MDFI: variants seen among roughly 807,000 people sequenced by gnomAD.
The protein encoded by MDFI is inhibitor of MyoD family a.
Under a neutral mutation model 22.3 loss-of-function variants are expected in MDFI, and 16 were observed. The ratio of observed to expected loss-of-function variants is 0.72; its 90% CI spans 0.49 to 1.09. The LOEUF is 1.09. Ranked by LOEUF, MDFI falls within the 50% of genes least tolerant of loss-of-function variation. The probability of loss-of-function intolerance (pLI) is 0.00; values close to 1 mark genes in which losing one functional copy is unlikely to be tolerated. For synonymous variants in MDFI, 145 were observed against 142.7 expected (o/e 1.02, Z -0.12); for missense variants, 314 against 326.1 (o/e 0.96, Z 0.29).
At chr6:41,643,437 C>T (rs1005497533) in intron 2 of MDFI, among the ~76,000 whole-genome samples, 21 of 152,142 alleles carry the variant, frequency 1.4e-4, no homozygotes, top group Admixed American at 1.4e-3. Flanking sequence ...AGGCAGTGAG[C>T]TGGTCTTTCT....
At chr6:41,641,096 G>C (rs1393002717) in intron 2 of MDFI, among the ~76,000 whole-genome samples, 1 of 152,138 alleles carries the variant, frequency 6.6e-6, no homozygotes, top group Admixed American at 6.5e-5. Context: ...CTTTCTTGGG[G>C]TTCAGGTCCA....
At chr6:41,641,279 AAGCCGGGATTTCACT>A (rs1767844805) in intron 2 of MDFI, among the ~76,000 whole-genome samples, 1 of 152,166 alleles carries the variant, frequency 6.6e-6, no homozygotes, top group Admixed American at 6.5e-5. Context: ...TCTGGTTGAG[AAGCCGGGATTTCACT>A]AGCAAATTGT....
chr6:41,639,529 T>C, intron 2 of MDFI: 1 of 985,338 alleles, frequency 1.0e-6, no homozygotes, highest in Non-Finnish European at 1.2e-6. Flanking sequence ...GGGTTTGGAG[T>C]AGGGGCCTCG....
chr6:41,652,502 G>T (rs546114864), intron 4 of MDFI, among the ~76,000 whole-genome samples: 33 of 152,304 alleles, frequency 2.2e-4, no homozygotes, highest in African/African-American at 7.9e-4. Context: ...GAGATGCCAG[G>T]TGGCAGTGGT....
At chr6:41,648,843 G>A (rs1285183294) in intron 3 of MDFI, among the ~76,000 whole-genome samples, 1 of 152,182 alleles carries the variant, frequency 6.6e-6, no homozygotes, top group Non-Finnish European at 1.5e-5. Context: ...GGGTTTGGGG[G>A]GTCTCCAGGG....
chr6:41,638,681 C>T lies in MDFI; in HGVS notation c.-12+29C>T, dbSNP rs915762682. On this transcript the variant is annotated intron_variant, in intron 1 of 4. Coordinates refer to ENST00000230321, the MANE Select transcript of MDFI (RefSeq NM_005586.4). The surrounding 1 kb of genome is among the most constrained non-coding windows in gnomAD (Gnocchi z 7.6). ...AGTGGACGTGGGAGGCGCGCATCTGCGGGGGAATCGCCCCTTGCCCGCCTC... is the reference window on the plus strand; with the variant it reads ...AGTGGACGTGGGAGGCGCGCATCTGTGGGGGAATCGCCCCTTGCCCGCCTC... 1.0e-5 allele frequency: 15 copies of T among 1,485,960 alleles called. No individual in the cohort carries two copies. The East Asian group carries it at 3.2e-4, about 32-fold the overall frequency. 92.0% of individuals were successfully genotyped at this position (1,485,960 alleles called of 1,614,324 possible). A position where few individuals can be genotyped will look rare whatever the true frequency, so the allele number is the denominator to read the frequency against.
Position 41,638,762 on chromosome 6 carries a change from A to G in MDFI, c.13A>G (p.Ser5Gly). The change falls in exon 2 of 5, where the codon AGC becomes GGC. Residue 5 changes from serine (S) to glycine (G), a missense_variant. Coordinates refer to ENST00000230321, the MANE Select transcript of MDFI (RefSeq NM_005586.4). The surrounding 1 kb of genome is among the most constrained non-coding windows in gnomAD (Gnocchi z 7.6). MYQVSGQRPSGCDAP... is the reference protein window; with the variant it reads MYQVGGQRPSGCDAP... The stretch of plus-strand genomic sequence containing the variant: ...AGGTCCGGGGCCGATGTACCAGGTG[A>G]GCGGCCAGCGCCCCTCTGGCTGCGA... The G allele has an allele frequency of 6.4e-7, 1 of 1,569,654 alleles. No homozygotes were observed.
At chr6:41,644,984 CCT>C (rs1242174307) in intron 2 of MDFI, among the ~76,000 whole-genome samples, 2 of 151,822 alleles carry the variant, frequency 1.3e-5, no homozygotes, top group African/African-American at 2.4e-5. Context: ...CTTGTGTCCC[CCT>C]CTGTGTCACC....
At chr6:41,651,118 T>G (rs1283100178) in intron 4 of MDFI, among the ~76,000 whole-genome samples, 1 of 128,390 alleles carries the variant, frequency 7.8e-6, no homozygotes, top group Non-Finnish European at 1.7e-5. Flanking sequence ...GAGGTTGCAG[T>G]GAGCCAAGAT....
rs1214280061 is a variant in MDFI, at chr6:41,654,029, C to T, written c.*454C>T. On this transcript the variant is annotated 3_prime_UTR_variant, in exon 5 of 5. Coordinates refer to ENST00000230321, the MANE Select transcript of MDFI (RefSeq NM_005586.4). ...TAGAGGACAGAAAAATGTGAAGAGACGCCCCACCCACCCTCAGCCAGCCCT... is the reference window on the plus strand; with the variant it reads ...TAGAGGACAGAAAAATGTGAAGAGATGCCCCACCCACCCTCAGCCAGCCCT... The T allele has an allele frequency of 9.8e-6, 2 of 204,210 alleles. No individual in the cohort carries two copies. The highest frequency in any genetic ancestry group is 2.0e-4 in the South Asian group (2 of 10,132). The allele number at this position is 204,210 out of a possible 1,614,324, so 12.6% of individuals were successfully genotyped here.
In MDFI at chr6:41,643,572, AGGAAGGAG is replaced by A. The variant is rs1249455215; in HGVS notation, c.77-2550_77-2543del. On this transcript the variant is annotated intron_variant, in intron 2 of 4. Transcript: ENST00000230321. ...AGGGAAGGAAGGAAGGAAGGAAGGA[AGGAAGGAG>A]GGAGGGAGGGAGGGAGGGAGGGAAG... Among the ~76,000 whole-genome samples, 8 of 89,846 alleles carry A rather than the reference AGGAAGGAG, an allele frequency of 8.9e-5. No homozygotes were observed. The East Asian group carries it at 1.3e-3, about 15-fold the overall frequency. The allele number at this position is 89,846 out of a possible 152,430, so 58.9% of individuals were successfully genotyped here.
Position 41,653,956 on chromosome 6 carries a change from C to G in MDFI, c.*381C>G, listed in dbSNP as rs1364476713. ...GGTGGGCCGGTGGGGCCGTAGCTCT[C>G]TACCTCTCCCTGCTCCTGGTGCCTG... On this transcript the variant is annotated 3_prime_UTR_variant, in exon 5 of 5. Transcript: ENST00000230321. This position sits in a 1 kb window ranked among gnomAD's most constrained non-coding sequence, Gnocchi z 4.2. 1.1e-5 allele frequency: 3 copies of G among 285,074 alleles called. No individual in the cohort carries two copies. The highest frequency in any genetic ancestry group is 2.0e-5 in the Non-Finnish European group (3 of 149,552). 17.7% of individuals were successfully genotyped at this position (285,074 alleles called of 1,614,324 possible).
chr6:41,642,887 G>A (rs1419698675), intron 2 of MDFI, among the ~76,000 whole-genome samples: 1 of 152,180 alleles, frequency 6.6e-6, no homozygotes, highest in Admixed American at 6.5e-5. Context: ...AGGAGAGGCT[G>A]CCCAGAGAGC....
At chr6:41,637,649 T>A (rs753100888), upstream of MDFI, among the ~76,000 whole-genome samples, 1 of 151,926 alleles carries the variant, frequency 6.6e-6, no homozygotes, top group African/African-American at 2.4e-5. This position sits in a 1 kb window ranked among gnomAD's most constrained non-coding sequence, Gnocchi z 6.8. Context: ...TGGCAGCGGC[T>A]TCTTCCTACC....
Position 41,646,007 on chromosome 6 carries a change from A to T in MDFI, c.77-119A>T, listed in dbSNP as rs1411988854. 2.1e-5 allele frequency: 20 copies of T among 935,538 alleles called. No individual in the cohort carries two copies. The East Asian group carries it at 5.9e-4, about 28-fold the overall frequency. The allele number at this position is 935,538 out of a possible 1,614,324, so 58.0% of individuals were successfully genotyped here. A position where few individuals can be genotyped will look rare whatever the true frequency, so the allele number is the denominator to read the frequency against. ...AGCTAGAGTAAGGGCTGCATAACTG[A>T]TGCAGACAGACAAAGAATGAGGGTT... On this transcript the variant is annotated intron_variant, in intron 2 of 4. Coordinates refer to ENST00000230321, the MANE Select transcript of MDFI (RefSeq NM_005586.4).
chr6:41,642,534 C>A (rs1177331860), intron 2 of MDFI, among the ~76,000 whole-genome samples: 1 of 152,224 alleles, frequency 6.6e-6, no homozygotes, highest in Non-Finnish European at 1.5e-5. Context: ...GTCTGGGCCA[C>A]CCGGGCAGTG....
In MDFI at chr6:41,646,284, G is replaced by C; in HGVS notation, c.235G>C (p.Asp79His). Residue 79 changes from aspartate (D) to histidine (H), a missense_variant, in exon 3 of 5, where the codon GAC becomes CAC. Transcript: ENST00000230321. ...IPQGLDSTDL[D>H]VPTEAVTCQP... ...CCAGGGCCTGGACAGCACTGACCTC[G>C]ACGTCCCCACAGAAGCTGTGACATG... 6 of 1,468,052 alleles carry C rather than the reference G, an allele frequency of 4.1e-6. No individual in the cohort carries two copies. The highest frequency in any genetic ancestry group is 5.4e-6 in the Non-Finnish European group (6 of 1,108,846). The allele number at this position is 1,468,052 out of a possible 1,614,324, so 90.9% of individuals were successfully genotyped here. A position where few individuals can be genotyped will look rare whatever the true frequency, so the allele number is the denominator to read the frequency against.
At chr6:41,639,899 C>CT (rs1561827232) in intron 2 of MDFI, 5 of 985,440 alleles carry the variant, frequency 5.1e-6, no homozygotes, top group Non-Finnish European at 6.0e-6. Context: ...TAGGAGGCCC[C>CT]TCTCCACTCC....
Position 41,639,614 on chromosome 6 carries a change from C to G in MDFI, c.76+789C>G, listed in dbSNP as rs1047813877. Reference sequence around the variant, plus strand: ...GAAGCTCCCAAATGGAAGTCCGGGTCAAGGAGAAGTCAGGAACCTCTGGGA... The same window carrying G: ...GAAGCTCCCAAATGGAAGTCCGGGTGAAGGAGAAGTCAGGAACCTCTGGGA... On this transcript the variant is annotated intron_variant, in intron 2 of 4. Transcript: ENST00000230321. 6.1e-6 allele frequency: 6 copies of G among 985,302 alleles called. No homozygotes were observed. The African/African-American group carries it at 1.0e-4, about 17-fold the overall frequency. 61.0% of individuals were successfully genotyped at this position (985,302 alleles called of 1,614,324 possible).
Sources: allele counts gnomAD v4.1 joint callset (sites outside exome capture counted in the v4.1 genomes callset), GRCh38; gene constraint gnomAD v4.1.1; non-coding constraint Gnocchi (gnomAD v3.1); transcripts MANE v1.5; gene names NCBI Gene and HGNC (gene_info 2026-07-23, HGNC 2026-07-21).